LSM14A: variants seen among roughly 807,000 people sequenced by gnomAD.
LSM14A encodes the protein protein LSM14 homolog A.
In LSM14A, 14 loss-of-function variants were observed where a neutral mutation model predicts 52.4. The ratio of observed to expected loss-of-function variants is 0.27; its 90% CI spans 0.18 to 0.42. The LOEUF is 0.42. Among genes scored for constraint, LSM14A ranks in the 10% least tolerant of loss-of-function variants. LSM14A has a pLI of 1.00. For synonymous variants in LSM14A, 185 were observed against 200.3 expected (o/e 0.92, Z 0.64); for missense variants, 417 against 581.8 (o/e 0.72, Z 2.91).
chr19:34,172,807 G>C, intron 1 of LSM14A, 44 bp downstream of exon 1: 1 of 1,512,978 alleles, frequency 6.6e-7, no homozygotes, highest in South Asian at 1.3e-5. Flanking sequence ...GCCGGGCGCC[G>C]CTCGGGGCTG....
Position 34,227,296 on chromosome 19 carries a change from G to A in LSM14A, c.1369-69G>A. Reference sequence around the variant, plus strand: ...TTTAAAGATAATTTAAAATAAACTTGAGCAAAGTAAAAAGAAAATAATACA... The same window carrying A: ...TTTAAAGATAATTTAAAATAAACTTAAGCAAAGTAAAAAGAAAATAATACA... On this transcript the variant is annotated intron_variant, in intron 9 of 9. Coordinates refer to ENST00000544216, the MANE Select transcript of LSM14A (RefSeq NM_015578.4). 5 of 1,030,788 alleles carry A rather than the reference G, an allele frequency of 4.9e-6. No individual in the cohort carries two copies. The South Asian group carries it at 5.7e-5, about 12-fold the overall frequency. The allele number at this position is 1,030,788 out of a possible 1,614,324, so 63.9% of individuals were successfully genotyped here.
chr19:34,203,616 A>C (rs1191702663), intron 3 of LSM14A, among the ~76,000 whole-genome samples: 2 of 152,094 alleles, frequency 1.3e-5, no homozygotes, highest in Non-Finnish European at 2.9e-5. Context: ...CCTGGCCAAC[A>C]CAGTGAAACC....
intron 1 of LSM14A, among the ~76,000 whole-genome samples, chr19:34,176,932 A>G (rs1441627127): frequency 6.6e-6 from 1 of 152,194 alleles, no homozygotes; most frequent in Non-Finnish European, 1.5e-5. Context: ...CTTACCAACA[A>G]CCGTACGTGG....
At chr19:34,203,330 T>A (rs1357067171) in intron 3 of LSM14A, among the ~76,000 whole-genome samples, 1 of 152,220 alleles carries the variant, frequency 6.6e-6, no homozygotes, top group Non-Finnish European at 1.5e-5. Flanking sequence ...TGGGTACATT[T>A]TAGTTGATTA....
At chr19:34,208,583 C>T (rs1358314883) in intron 3 of LSM14A, 1 of 168,426 alleles carries the variant, frequency 5.9e-6, no homozygotes, top group Non-Finnish European at 1.3e-5. Flanking sequence ...ATCACTGAAC[C>T]TTAATGTTGG....
At chr19:34,219,972 A>T in intron 8 of LSM14A, 95 bp downstream of exon 8, 1 of 908,250 alleles carries the variant, frequency 1.1e-6, no homozygotes, top group Non-Finnish European at 1.7e-6. Context: ...TACTACCATA[A>T]TTGTTTTGTT....
chr19:34,224,064 C>T (rs2073209509), intron 9 of LSM14A, among the ~76,000 whole-genome samples: 2 of 152,044 alleles, frequency 1.3e-5, no homozygotes, highest in Admixed American at 6.6e-5. Context: ...CGTGGTGGCT[C>T]ACACCTATAA....
Position 34,227,346 on chromosome 19 carries a change from AT to A in LSM14A, c.1369-10del, listed in dbSNP as rs1568506305. 72 of 1,550,744 alleles carry A rather than the reference AT, an allele frequency of 4.6e-5. No individual in the cohort carries two copies. Among genetic ancestry groups the A allele is most frequent in the Admixed American group, 7.5e-5 (4 of 53,218 alleles). On this transcript the variant is annotated intron_variant, in intron 9 of 9. Coordinates refer to ENST00000544216, the MANE Select transcript of LSM14A (RefSeq NM_015578.4). ...ACCAATAATTTGGAACATGAGCTAA[AT>A]TTTTTTTTCTTTTTTAGAAAGACAA...
chr19:34,220,833 A>C (rs1249490084), intron 8 of LSM14A, among the ~76,000 whole-genome samples: 1 of 152,094 alleles, frequency 6.6e-6, no homozygotes, highest in African/African-American at 2.4e-5. Context: ...TCCATCTCCT[A>C]GCTTCCCAAG....
intron 1 of LSM14A, among the ~76,000 whole-genome samples, chr19:34,186,828 G>A (rs1015039959): frequency 5.3e-5 from 8 of 152,192 alleles, no homozygotes; most frequent in Admixed American, 2.6e-4. Flanking sequence ...CTTTGTAAGC[G>A]TCTTTTGGAT....
At chr19:34,217,693 G>A (rs1329230829) in intron 6 of LSM14A, among the ~76,000 whole-genome samples, 1 of 122,804 alleles carries the variant, frequency 8.1e-6, no homozygotes, top group Non-Finnish European at 1.6e-5. Context: ...AGTGGGGCAC[G>A]ATCTCAGCTC....
In LSM14A at chr19:34,196,398, G is replaced by A. The variant is rs114541122; in HGVS notation, c.286-236G>A. Among the ~76,000 whole-genome samples the A allele has an allele frequency of 1.3e-3, 202 of 152,170 alleles. 1 individual carries two copies. Among genetic ancestry groups the A allele is most frequent in the African/African-American group, 4.1e-3 (172 of 41,512 alleles). On this transcript the variant is annotated intron_variant, in intron 2 of 9. Transcript: ENST00000544216. ...ATAAAACTCTTAATTCAAATGGGGA[G>A]TTTATTGTAGAAAAAAGTATTTGTA...
intron 8 of LSM14A, among the ~76,000 whole-genome samples, chr19:34,220,981 A>G (rs1008624967): frequency 1.3e-5 from 2 of 152,118 alleles, no homozygotes; most frequent in Admixed American, 6.6e-5. Flanking sequence ...TTTGCAAGAA[A>G]CTAATGTCAG....
intron 6 of LSM14A, among the ~76,000 whole-genome samples, chr19:34,217,619 GTTTTTTTTTTT>G (rs34613927): frequency 7.3e-5 from 1 of 13,768 alleles, no homozygotes; most frequent in Non-Finnish European, 1.2e-4. Flanking sequence ...CCCCCCCCGT[GTTTTTTTTTTT>G]TTTTTTTTTT....
chr19:34,210,299 T>C (rs1317163769), intron 4 of LSM14A, among the ~76,000 whole-genome samples: 2 of 152,104 alleles, frequency 1.3e-5, no homozygotes, highest in African/African-American at 4.8e-5. Flanking sequence ...AGATGGAGTC[T>C]TGCTCTGTCA....
At chr19:34,204,210 C>G (rs1248425111) in intron 3 of LSM14A, among the ~76,000 whole-genome samples, 1 of 152,088 alleles carries the variant, frequency 6.6e-6, no homozygotes, top group African/African-American at 2.4e-5. Flanking sequence ...ATGAACTGCT[C>G]AACAATATAG....
At chr19:34,214,030 A>G (rs2072370357) in intron 4 of LSM14A, among the ~76,000 whole-genome samples, 1 of 152,042 alleles carries the variant, frequency 6.6e-6, no homozygotes, top group Non-Finnish European at 1.5e-5. Context: ...CGATCTGCCC[A>G]TCTCAGCCTC....
At chr19:34,182,179 C>T (rs915127503) in intron 1 of LSM14A, among the ~76,000 whole-genome samples, 1 of 152,160 alleles carries the variant, frequency 6.6e-6, no homozygotes, top group Non-Finnish European at 1.5e-5. Flanking sequence ...CTTTCTCCTC[C>T]TCCCAATTTT....
At chr19:34,206,266 G>A (rs947533837) in intron 3 of LSM14A, among the ~76,000 whole-genome samples, 26 of 152,154 alleles carry the variant, frequency 1.7e-4, no homozygotes, top group African/African-American at 6.0e-4. Flanking sequence ...AGTAACTCAG[G>A]AGGCTGATGC....
Sources: gnomAD v4.1 joint callset for allele counts (sites outside exome capture counted in the v4.1 genomes callset) on GRCh38, gnomAD v4.1.1 for gene constraint, MANE v1.5 for transcripts, NCBI Gene and HGNC (gene_info 2026-07-23, HGNC 2026-07-21) for gene names.